The following MARCHF1 variants were observed in gnomAD, a reference collection of about 807,000 sequenced individuals.
The protein encoded by MARCHF1 is E3 ubiquitin-protein ligase MARCHF1.
Under a neutral mutation model 54.2 loss-of-function variants are expected in MARCHF1, and 40 were observed. The ratio of observed to expected loss-of-function variants is 0.74; its 90% confidence interval spans 0.57 to 0.96. The LOEUF is 0.96. MARCHF1 is among the 40% of genes least tolerant of loss of function. MARCHF1 has a pLI of 0.00. For synonymous variants in MARCHF1, 236 were observed against 236.3 expected (o/e 1.00, Z 0.01); for missense variants, 586 against 656.5 (o/e 0.89, Z 1.17).
At chr4:164,279,209 AAACAG>A (rs1168993262) in intron 1 of MARCHF1, among the ~76,000 whole-genome samples, 1 of 151,774 alleles carries the variant, frequency 6.6e-6, no homozygotes, top group Admixed American at 6.6e-5. Flanking sequence ...TTTTAATGGA[AAACAG>A]AACAGAACTA....
intron 1 of MARCHF1, among the ~76,000 whole-genome samples, chr4:164,173,888 C>A (rs1386405011): frequency 6.6e-6 from 1 of 152,188 alleles, no homozygotes; most frequent in African/African-American, 2.4e-5. Flanking sequence ...CAAGAGCAGA[C>A]TAACACACAA....
At chr4:164,136,712 C>T (rs1018180888) in intron 1 of MARCHF1, among the ~76,000 whole-genome samples, 3 of 152,164 alleles carry the variant, frequency 2.0e-5, no homozygotes, top group African/African-American at 7.2e-5. Context: ...CTGATGCCCC[C>T]CAAGGCTGGC....
At chr4:163,831,700 A>G (rs987268211) in intron 4 of MARCHF1, among the ~76,000 whole-genome samples, 4 of 152,254 alleles carry the variant, frequency 2.6e-5, no homozygotes, top group Admixed American at 6.5e-5. Flanking sequence ...GCCAAATCAA[A>G]TGTTTGAGGA....
At chr4:164,285,466 G>A (rs1376487445) in intron 1 of MARCHF1, among the ~76,000 whole-genome samples, 10 of 151,672 alleles carry the variant, frequency 6.6e-5, no homozygotes, top group African/African-American at 2.2e-4. Flanking sequence ...TTTTTGAGAC[G>A]GAGTTTCGCT....
At chr4:163,762,852 T>C (rs1251324964) in intron 4 of MARCHF1, among the ~76,000 whole-genome samples, 1 of 152,068 alleles carries the variant, frequency 6.6e-6, no homozygotes, top group Non-Finnish European at 1.5e-5. Context: ...AAATGGCCAT[T>C]TTAAAAGCTT....
chr4:164,047,250 G>T (rs1386250581), intron 2 of MARCHF1, among the ~76,000 whole-genome samples: 2 of 151,730 alleles, frequency 1.3e-5, no homozygotes. Flanking sequence ...GGCACTTCAA[G>T]AAAAAAGGCA....
At chr4:163,845,066 G>A (rs1454036814) in intron 4 of MARCHF1, among the ~76,000 whole-genome samples, 3 of 152,134 alleles carry the variant, frequency 2.0e-5, no homozygotes, top group Non-Finnish European at 4.4e-5. Context: ...TGTATAAGGA[G>A]AAGAGTTATT....
At chr4:163,820,152 T>G (rs1748651249) in intron 4 of MARCHF1, among the ~76,000 whole-genome samples, 1 of 152,098 alleles carries the variant, frequency 6.6e-6, no homozygotes, top group Non-Finnish European at 1.5e-5. Flanking sequence ...CAGTTCCCAA[T>G]AGTCCACTGA....
intron 1 of MARCHF1, among the ~76,000 whole-genome samples, chr4:164,325,383 C>T (rs1313993967): frequency 6.9e-6 from 1 of 145,168 alleles, no homozygotes; most frequent in African/African-American, 2.6e-5. Context: ...GAGAAAACTA[C>T]ATGATAGTCC....
At chr4:163,770,539 CACACACACACACACACACACACACAA>C (rs1747125405) in intron 4 of MARCHF1, among the ~76,000 whole-genome samples, 3 of 150,192 alleles carry the variant, frequency 2.0e-5, no homozygotes, top group South Asian at 4.2e-4. Context: ...CACACACACA[CACACACACACACACACACACACACAA>C]ACACACACAC....
At chr4:164,023,583 A>G (rs1401825562) in intron 2 of MARCHF1, among the ~76,000 whole-genome samples, 1 of 152,158 alleles carries the variant, frequency 6.6e-6, no homozygotes, top group South Asian at 2.1e-4. Flanking sequence ...AATAAAGACA[A>G]TTGGCTATAC....
intron 4 of MARCHF1, among the ~76,000 whole-genome samples, chr4:163,805,805 G>T (rs540365720): frequency 6.6e-5 from 10 of 152,206 alleles, no homozygotes; most frequent in African/African-American, 1.9e-4. Flanking sequence ...CAATGGTCAC[G>T]ATATCTACAC....
Position 164,202,375 on chromosome 4 carries a change from T to C in MARCHF1, c.-322-90713A>G, listed in dbSNP as rs117566080. Among the ~76,000 whole-genome samples the C allele has an allele frequency of 1.3e-4, 19 of 151,990 alleles. No homozygotes were observed. In the East Asian group the frequency reaches 3.5e-3, roughly 28 times the overall value. ...TGTTCCATATGACTGTATCTTAGAGTGTAAGGGGCAAAAGTGGCGTGAAAT... is the reference window on the plus strand; with the variant it reads ...TGTTCCATATGACTGTATCTTAGAGCGTAAGGGGCAAAAGTGGCGTGAAAT... On this transcript the variant is annotated intron_variant, in intron 1 of 9. Coordinates refer to ENST00000514618, the MANE Select transcript of MARCHF1 (RefSeq NM_001394959.1).
intron 3 of MARCHF1, among the ~76,000 whole-genome samples, chr4:163,883,089 C>T (rs1750451627): frequency 6.6e-6 from 1 of 152,122 alleles, no homozygotes; most frequent in Non-Finnish European, 1.5e-5. Context: ...ACTTGTGTCT[C>T]ATACTGTGGC....
At chr4:164,199,567 CAG>C (rs1731379534) in intron 1 of MARCHF1, among the ~76,000 whole-genome samples, 1 of 148,578 alleles carries the variant, frequency 6.7e-6, no homozygotes, top group African/African-American at 2.5e-5. Flanking sequence ...GCTTGAGAGG[CAG>C]AGACTGCAGT....
At chr4:164,145,677 T>C (rs1181799442) in intron 1 of MARCHF1, among the ~76,000 whole-genome samples, 3 of 151,648 alleles carry the variant, frequency 2.0e-5, no homozygotes, top group Non-Finnish European at 4.4e-5. Flanking sequence ...TATCTCAAAA[T>C]AATAAGAGCT....
chr4:164,214,113 T>C (rs980885311), intron 1 of MARCHF1, among the ~76,000 whole-genome samples: 1 of 152,006 alleles, frequency 6.6e-6, no homozygotes, highest in African/African-American at 2.4e-5. Flanking sequence ...TATATATATT[T>C]CTGTATTCGT....
At chr4:164,089,318 C>T (rs1755252775) in intron 2 of MARCHF1, among the ~76,000 whole-genome samples, 1 of 152,054 alleles carries the variant, frequency 6.6e-6, no homozygotes, top group Non-Finnish European at 1.5e-5. Context: ...GATTTGTCTT[C>T]ATATCTGTAC....
chr4:164,144,619 C>A (rs1341900896), intron 1 of MARCHF1, among the ~76,000 whole-genome samples: 6 of 145,218 alleles, frequency 4.1e-5, no homozygotes, highest in African/African-American at 1.3e-4. Flanking sequence ...TTCTTTGAAA[C>A]CAACGAGAAC....
Sources: gnomAD v4.1 joint callset for allele counts (sites outside exome capture counted in the v4.1 genomes callset) on GRCh38, gnomAD v4.1.1 for gene constraint, MANE v1.5 for transcripts, NCBI Gene and HGNC (gene_info 2026-07-23, HGNC 2026-07-21) for gene names.